The following TRIM33 variants were observed in gnomAD, a reference collection of about 807,000 sequenced individuals.
TRIM33 encodes the protein tripartite motif containing 33, also known as E3 ubiquitin-protein ligase TRIM33.
TRIM33 carries 20 observed loss-of-function variants against 125.4 expected under a neutral mutation model. The observed-to-expected ratio is 0.16, with a 90% CI of 0.11 to 0.23. The LOEUF (loss-of-function observed/expected upper bound fraction) is 0.23. TRIM33 is among the 10% of genes least tolerant of loss of function. TRIM33 has a pLI of 1.00. For synonymous variants in TRIM33, 564 were observed against 513.9 expected (o/e 1.10, Z -1.32); for missense variants, 920 against 1,411.4 (o/e 0.65, Z 5.58).
chr1:114,476,919 T>C (rs1024121884), intron 1 of TRIM33, among the ~76,000 whole-genome samples: 1 of 152,152 alleles, frequency 6.6e-6, no homozygotes, highest in Non-Finnish European at 1.5e-5. Flanking sequence ...CCATTATTAT[T>C]TGAACCAATC....
intron 1 of TRIM33, among the ~76,000 whole-genome samples, chr1:114,500,031 G>T (rs1018556733): frequency 6.6e-6 from 1 of 152,130 alleles, no homozygotes; most frequent in South Asian, 2.1e-4. Context: ...GCCAGACATG[G>T]TGGCGGGCGC....
rs1410243119 is a variant in TRIM33 at position 114,396,108 on chromosome 1, C to T, written c.*1540G>A. The T allele has an allele frequency of 5.0e-6, 1 of 200,540 alleles. No individual in the cohort carries two copies. 12.4% of individuals were successfully genotyped at this position (200,540 alleles called of 1,614,324 possible). On this transcript the variant is annotated 3_prime_UTR_variant, in exon 20 of 20. Coordinates refer to ENST00000358465, the MANE Select transcript of TRIM33 (RefSeq NM_015906.4). ...GAAAAATATCTAACAGCAAATTCTT[C>T]TATTTTGGTCTCTGAATATTCTAAT... is the stretch of plus-strand genomic sequence containing the variant.
intron 8 of TRIM33, among the ~76,000 whole-genome samples, chr1:114,426,930 C>T (rs540045797): frequency 2.0e-5 from 3 of 151,914 alleles, no homozygotes; most frequent in Non-Finnish European, 2.9e-5. Context: ...GATGGAGGGT[C>T]GGGGGACTAG....
Position 114,463,488 on chromosome 1 carries a change from A to G in TRIM33, c.714T>C (p.Cys238=), listed in dbSNP as rs1650111016. Residue 238 remains cysteine (C), a synonymous_variant, in exon 3 of 20, where the codon TGT becomes TGC. Coordinates refer to ENST00000358465, the MANE Select transcript of TRIM33 (RefSeq NM_015906.4). ...TTTGATGTGCTTCGATACATGTCTTACATAGCCACTCTCCACATTCTACAC... is the reference window on the plus strand; with the variant it reads ...TTTGATGTGCTTCGATACATGTCTTGCATAGCCACTCTCCACATTCTACAC... ...GFCVECGEWL[C]KTCIEAHQRV... is the part of the protein sequence containing the mutation. 1.9e-6 allele frequency: 3 copies of G among 1,611,818 alleles called. No individual in the cohort carries two copies. The highest frequency in any genetic ancestry group is 2.5e-6 in the Non-Finnish European group (3 of 1,178,032).
At position 114,412,902 on chromosome 1, in the gene TRIM33, C is replaced by T. The variant is rs565938666; in HGVS notation, c.2062-2586G>A. Among the ~76,000 whole-genome samples the T allele has an allele frequency of 3.9e-5, 6 of 152,282 alleles. No homozygotes were observed. The South Asian group carries it at 1.2e-3, about 32-fold the overall frequency. On this transcript the variant is annotated intron_variant, in intron 11 of 19. Coordinates refer to ENST00000358465, the MANE Select transcript of TRIM33 (RefSeq NM_015906.4). Reference sequence around the variant, plus strand: ...TGGCTGAATCATTATGACAGATACACGTTTAACTTTTAAAGAAACCGCTGA... The same window carrying T: ...TGGCTGAATCATTATGACAGATACATGTTTAACTTTTAAAGAAACCGCTGA...
At chr1:114,431,632 A>G (rs967405738) in intron 5 of TRIM33, among the ~76,000 whole-genome samples, 1 of 152,226 alleles carries the variant, frequency 6.6e-6, no homozygotes, top group Non-Finnish European at 1.5e-5. Flanking sequence ...ACCATAAGAC[A>G]TAGCTTCAAT....
At chr1:114,446,993 A>G (rs956121650) in intron 4 of TRIM33, among the ~76,000 whole-genome samples, 2 of 152,202 alleles carry the variant, frequency 1.3e-5, no homozygotes, top group Non-Finnish European at 2.9e-5. Flanking sequence ...GAGAAGTAGC[A>G]AGAAAGCCAG....
At chr1:114,431,533 T>C (rs1476863630) in intron 5 of TRIM33, among the ~76,000 whole-genome samples, 1 of 152,186 alleles carries the variant, frequency 6.6e-6, no homozygotes. Context: ...AAGTTTTAGG[T>C]GCAAATATGA....
At chr1:114,448,262 T>C (rs1297470026) in intron 4 of TRIM33, among the ~76,000 whole-genome samples, 3 of 152,272 alleles carry the variant, frequency 2.0e-5, no homozygotes, top group Non-Finnish European at 2.9e-5. Context: ...TGTAGAAATA[T>C]GGGTACAGGT....
intron 4 of TRIM33, among the ~76,000 whole-genome samples, chr1:114,459,321 A>AT (rs1171115897): frequency 1.3e-5 from 2 of 152,198 alleles, no homozygotes; most frequent in African/African-American, 4.8e-5. Flanking sequence ...ATGAATCTCC[A>AT]TAAAAACCTG....
intron 11 of TRIM33, among the ~76,000 whole-genome samples, chr1:114,418,608 T>A (rs1043156310): frequency 9.2e-5 from 14 of 152,286 alleles, no homozygotes; most frequent in Middle Eastern, 3.4e-3. Flanking sequence ...GGTGTTGACA[T>A]AAAGGACTGC....
chr1:114,392,943 G>T lies in TRIM33; in HGVS notation c.*4705C>A. 5.0e-6 allele frequency: 1 copy of T among 198,530 alleles called. No homozygotes were observed. The highest frequency in any genetic ancestry group is 1.0e-5 in the Non-Finnish European group (1 of 95,926). The allele number at this position is 198,530 out of a possible 1,614,324, so 12.3% of individuals were successfully genotyped here. ...CTAATGTATTAAATAACCATGAAAA[G>T]AAAAAACTTGCTTTTATTACACACC... On this transcript the variant is annotated 3_prime_UTR_variant, in exon 20 of 20. Coordinates refer to ENST00000358465, the MANE Select transcript of TRIM33 (RefSeq NM_015906.4).
chr1:114,478,806 G>A (rs1286808891), intron 1 of TRIM33, among the ~76,000 whole-genome samples: 1 of 152,128 alleles, frequency 6.6e-6, no homozygotes, highest in Non-Finnish European at 1.5e-5. Flanking sequence ...CCAGCACTTT[G>A]GGAGGCCAAG....
chr1:114,449,155 G>T (rs1248077213), intron 4 of TRIM33, among the ~76,000 whole-genome samples: 1 of 148,516 alleles, frequency 6.7e-6, no homozygotes, highest in African/African-American at 2.4e-5. Flanking sequence ...TAAAGAGAAA[G>T]AATGGTCTAA....
chr1:114,459,574 A>AGG (rs1649831565), intron 4 of TRIM33, among the ~76,000 whole-genome samples: 2 of 152,182 alleles, frequency 1.3e-5, no homozygotes, highest in Non-Finnish European at 2.9e-5. Flanking sequence ...GTTTAAATCC[A>AGG]GCCTGGGCGA....
At chr1:114,484,971 G>C (rs1231856090) in intron 1 of TRIM33, among the ~76,000 whole-genome samples, 1 of 152,022 alleles carries the variant, frequency 6.6e-6, no homozygotes, top group African/African-American at 2.4e-5. Flanking sequence ...AAAATCACTT[G>C]AACCTGGGAG....
rs1479358019 is a variant in TRIM33 at position 114,427,791 on chromosome 1, A to G, written c.1259T>C (p.Ile420Thr). The change falls in exon 7 of 20, where the codon ATT (isoleucine) becomes ACT (threonine). Residue 420 changes from isoleucine (I) to threonine (T), a missense_variant. Around this residue, in one of 8 missense-constraint regions of TRIM33, gnomAD observed 407 missense variants for 589.7 expected, o/e 0.69. Transcript: ENST00000358465. The part of the protein sequence containing the change: ...KHVMNFTNWA[I>T]ASGSSTALLY... ...TAGTGCTGTGCTGCTGCCACTTGCA[A>G]TTGCCCAATTTGTGAAGTTCATAAC... 1.9e-6 allele frequency: 3 copies of G among 1,614,156 alleles called. No homozygotes were observed. In the East Asian group the frequency reaches 6.7e-5, roughly 36 times the overall value.
rs1652183277 is a variant in TRIM33 at position 114,405,613 on chromosome 1, G to A, written c.2565C>T (p.Ser855=). 1.2e-6 allele frequency: 2 copies of A among 1,614,180 alleles called. No homozygotes were observed. The highest frequency in any genetic ancestry group is 2.2e-5 in the East Asian group (1 of 44,882). Residue 855 remains serine, a synonymous_variant, in exon 15 of 20, where the codon AGC becomes AGT. Coordinates refer to ENST00000358465, the MANE Select transcript of TRIM33 (RefSeq NM_015906.4). ...TTGGGGACTTTCCATTAACAAGGCTGCTGAGCCCTGACTGTTTGCAGCTTT... is the reference window on the plus strand; with the variant it reads ...TTGGGGACTTTCCATTAACAAGGCTACTGAGCCCTGACTGTTTGCAGCTTT... ...MNESCKQSGL[S]SLVNGKSPIR... is the part of the protein sequence containing the mutation.
chr1:114,497,299 A>T (rs1327181612), intron 1 of TRIM33, among the ~76,000 whole-genome samples: 4 of 151,820 alleles, frequency 2.6e-5, no homozygotes, highest in African/African-American at 4.8e-5. Flanking sequence ...TACACTTAAA[A>T]TTTTTTTTTC....
Sources: gnomAD v4.1 joint callset for allele counts (sites outside exome capture counted in the v4.1 genomes callset) on GRCh38, gnomAD v4.1.1 for gene constraint, gnomAD v4.1.1 regional missense constraint, MANE v1.5 for transcripts, NCBI Gene and HGNC (gene_info 2026-07-23, HGNC 2026-07-21) for gene names.